Variants in MICU3 observed in about 807,000 individuals in gnomAD.
MICU3 encodes mitochondrial calcium uptake 3.
Under a neutral mutation model 66.5 loss-of-function variants are expected in MICU3, and 62 were observed. That is an observed-to-expected ratio of 0.93 (90% CI 0.76 to 1.15). MICU3 has a LOEUF of 1.15. Among genes scored for constraint, MICU3 ranks in the 50% most tolerant of loss-of-function variants. MICU3 has a pLI of 0.00. For missense variants in MICU3, 779 were observed against 664.4 expected (o/e 1.17, Z -1.90); for synonymous variants, 308 against 240.7 (o/e 1.28, Z -2.59).
At chr8:17,082,184 A>C (rs1179459055) in intron 5 of MICU3, among the ~76,000 whole-genome samples, 2 of 152,122 alleles carry the variant, frequency 1.3e-5, no homozygotes, top group Non-Finnish European at 1.5e-5. Context: ...TTTCTTAGGA[A>C]ATATATGAAG....
At chr8:17,129,959 T>A in the MICU3 span, among the ~76,000 whole-genome samples, 1 of 152,152 alleles carries the variant, frequency 6.6e-6, no homozygotes, top group South Asian at 2.1e-4. Flanking sequence ...TTGTATAACA[T>A]CTTTAAATGG....
At chr8:17,133,725 C>T in the MICU3 span, among the ~76,000 whole-genome samples, 1 of 152,104 alleles carries the variant, frequency 6.6e-6, no homozygotes, top group African/African-American at 2.4e-5. Flanking sequence ...AATATCTAAC[C>T]AACTTATCCA....
At chr8:17,103,507 A>C (rs1309153592) in intron 9 of MICU3, among the ~76,000 whole-genome samples, 8 of 151,828 alleles carry the variant, frequency 5.3e-5, no homozygotes, top group Admixed American at 6.6e-5. Flanking sequence ...GATGTGTAGG[A>C]GAGTTATAGT....
At chr8:17,046,731 G>T (rs7005457) in intron 1 of MICU3, among the ~76,000 whole-genome samples, 1 of 151,792 alleles carries the variant, frequency 6.6e-6, no homozygotes, top group Non-Finnish European at 1.5e-5. Context: ...CAGAATTCTC[G>T]TCAAAAGGAT....
intron 5 of MICU3, among the ~76,000 whole-genome samples, chr8:17,083,164 T>C (rs1821446079): frequency 6.6e-6 from 1 of 152,062 alleles, no homozygotes; most frequent in Non-Finnish European, 1.5e-5. Context: ...GAGTTGAAGC[T>C]TTTCTCTTGA....
intron 3 of MICU3, among the ~76,000 whole-genome samples, chr8:17,074,022 T>C (rs982872697): frequency 2.6e-5 from 4 of 151,962 alleles, no homozygotes; most frequent in African/African-American, 9.7e-5. Context: ...CATTCTCTCA[T>C]GAGTGTATGG....
chr8:17,076,327 G>T (rs529173785), intron 3 of MICU3, among the ~76,000 whole-genome samples: 2 of 152,214 alleles, frequency 1.3e-5, no homozygotes, highest in East Asian at 1.9e-4. Context: ...GAGCCACTGA[G>T]TCCCACCCAG....
At chr8:17,066,242 T>C (rs1818658717) in intron 2 of MICU3, among the ~76,000 whole-genome samples, 1 of 151,900 alleles carries the variant, frequency 6.6e-6, no homozygotes, top group Admixed American at 6.6e-5. Context: ...TAAAAATGTA[T>C]GGAATATTTA....
At chr8:17,081,365 C>T (rs1821154601) in intron 4 of MICU3, among the ~76,000 whole-genome samples, 2 of 151,976 alleles carry the variant, frequency 1.3e-5, no homozygotes, top group Non-Finnish European at 2.9e-5. Flanking sequence ...CTCTGTTGGA[C>T]TTGACAACTT....
At chr8:17,030,008 T>C (rs891867743) in intron 1 of MICU3, among the ~76,000 whole-genome samples, 2 of 152,224 alleles carry the variant, frequency 1.3e-5, no homozygotes, top group African/African-American at 4.8e-5. Context: ...CCAACCTTCC[T>C]ACTGAATTTT....
intron 9 of MICU3, among the ~76,000 whole-genome samples, chr8:17,100,321 A>G (rs902940881): frequency 6.6e-6 from 1 of 151,788 alleles, no homozygotes; most frequent in African/African-American, 2.4e-5. Context: ...AAATTTCATG[A>G]AAGTAAATCT....
the MICU3 span, chr8:17,134,042 A>G: frequency 1.3e-5 from 2 of 152,218 alleles, no homozygotes; most frequent in African/African-American, 4.8e-5. Flanking sequence ...TTTCAGATGA[A>G]TATTAGAATT....
chr8:17,105,461 C>A lies in MICU3; in HGVS notation c.1134C>A (p.Ser378=). 1 of 1,571,058 alleles carries A rather than the reference C, an allele frequency of 6.4e-7. No homozygotes were observed. Among genetic ancestry groups the A allele is most frequent in the Admixed American group, 1.9e-5 (1 of 53,288 alleles). Reference sequence around the variant, plus strand: ...AAGTTCTAGAAATAGAATTCCTTTCCTACTCAAATGGAATGAATACCATCA... The same window carrying A: ...AAGTTCTAGAAATAGAATTCCTTTCATACTCAAATGGAATGAATACCATCA... ...QTEVLEIEFL[S]YSNGMNTISE... is the part of the protein sequence containing the mutation. Residue 378 remains serine (S), a synonymous_variant, in exon 11 of 15, where the codon TCC becomes TCA. Transcript: ENST00000318063.
chr8:17,035,663 A>G (rs1812848906), intron 1 of MICU3, among the ~76,000 whole-genome samples: 1 of 152,236 alleles, frequency 6.6e-6, no homozygotes, highest in African/African-American at 2.4e-5. Flanking sequence ...AGTGTTCAAG[A>G]TGTGACTTGG....
intron 1 of MICU3, among the ~76,000 whole-genome samples, chr8:17,047,339 A>T (rs1297574220): frequency 6.6e-6 from 1 of 152,224 alleles, no homozygotes; most frequent in Non-Finnish European, 1.5e-5. Flanking sequence ...AAGATATGTC[A>T]AATATTATGA....
chr8:17,085,624 A>T (rs1457484920), intron 6 of MICU3, among the ~76,000 whole-genome samples: 1 of 152,038 alleles, frequency 6.6e-6, no homozygotes, highest in Non-Finnish European at 1.5e-5. Flanking sequence ...CCCAATTAAT[A>T]TTCAGTCCCC....
intron 1 of MICU3, among the ~76,000 whole-genome samples, chr8:17,060,312 T>C (rs2150609028): frequency 6.7e-6 from 1 of 148,716 alleles, no homozygotes; most frequent in East Asian, 1.9e-4. Flanking sequence ...TTTTTTTTTC[T>C]TTGAGACAGA....
chr8:17,057,632 CT>C (rs1382399807), intron 1 of MICU3, among the ~76,000 whole-genome samples: 3 of 152,022 alleles, frequency 2.0e-5, no homozygotes, highest in Non-Finnish European at 4.4e-5. Context: ...TCCTCTCAGT[CT>C]CTTCCCTACC....
chr8:17,116,049 TC>T (rs1164958147), intron 12 of MICU3, among the ~76,000 whole-genome samples: 2 of 152,342 alleles, frequency 1.3e-5, no homozygotes, highest in South Asian at 4.1e-4. Flanking sequence ...ATCACTCATC[TC>T]CAGATTCTCA....
Sources: allele counts gnomAD v4.1 joint callset (sites outside exome capture counted in the v4.1 genomes callset), GRCh38; gene constraint gnomAD v4.1.1; transcripts MANE v1.5; gene names NCBI Gene and HGNC (gene_info 2026-07-23, HGNC 2026-07-21).